TMEM145: variants seen among roughly 807,000 people sequenced by gnomAD.
The protein encoded by TMEM145 is transmembrane protein 145.
Under a neutral mutation model 68.5 loss-of-function variants are expected in TMEM145, and 46 were observed. The observed-to-expected ratio is 0.67, with a 90% CI of 0.53 to 0.86. TMEM145 has a LOEUF of 0.86. Ranked by LOEUF, TMEM145 falls within the 40% of genes least tolerant of loss-of-function variation. The probability of loss-of-function intolerance (pLI) is 0.00; values close to 1 mark genes in which losing one functional copy is unlikely to be tolerated. For synonymous variants in TMEM145, 255 were observed against 280.2 expected, an observed-to-expected ratio of 0.91 and a Z score of 0.90; for missense variants, 570 against 645.8, an observed-to-expected ratio of 0.88 and a Z score of 1.27.
Position 42,323,939 on chromosome 19 carries a change from C to G in TMEM145, c.1401+150C>G, listed in dbSNP as rs931693139. On this transcript the variant is annotated intron_variant, in intron 14 of 14. Coordinates refer to ENST00000301204, the MANE Select transcript of TMEM145 (RefSeq NM_173633.3). The stretch of plus-strand genomic sequence containing the variant: ...CTCCCCGCGCCCCAACACCGCGCCG[C>G]GACCGTCCCCTGGCGCCCGCGCCCA... The G allele has an allele frequency of 5.7e-6, 4 of 701,602 alleles. No individual in the cohort carries two copies. The South Asian group carries it at 8.2e-5, about 14-fold the overall frequency. The allele number at this position is 701,602 out of a possible 1,614,324, so 43.5% of individuals were successfully genotyped here. A position where few individuals can be genotyped will look rare whatever the true frequency, so the allele number is the denominator to read the frequency against.
Position 42,314,337 on chromosome 19 carries a change from C to T in TMEM145, c.186C>T (p.Arg62=), listed in dbSNP as rs1358042549. ...ACGGCCGACTGGACTTCCGTTTCCG[C>T]TACCCTGAGGTGAGTCTCCCCCAAC... The part of the protein sequence containing the change: ...SDYGRLDFRF[R]YPEAKCCQNI... The change falls in exon 2 of 15, where the codon CGC becomes CGT. Residue 62 remains arginine, a synonymous_variant. Transcript: ENST00000301204. 4 of 1,614,008 alleles carry T rather than the reference C, an allele frequency of 2.5e-6. No homozygotes were observed. In the East Asian group the frequency reaches 8.9e-5, roughly 36 times the overall value.
Position 42,315,392 on chromosome 19 carries a change from T to C in TMEM145, c.598T>C (p.Leu200=). Residue 200 remains leucine (L), a synonymous_variant, in exon 8 of 15, where the codon TTG becomes CTG. Coordinates refer to ENST00000301204, the MANE Select transcript of TMEM145 (RefSeq NM_173633.3). Reference sequence around the variant, plus strand: ...CCTAGATTTGCTGAAAGGTCGTCAGTTGCTCCACACAACTTATAAAATGTT... The same window carrying C: ...CCTAGATTTGCTGAAAGGTCGTCAGCTGCTCCACACAACTTATAAAATGTT... ...YFGYLLKGRQ[L]LHTTYKMFMA... is the part of the protein sequence containing the mutation. The C allele has an allele frequency of 6.2e-7, 1 of 1,614,170 alleles. No individual in the cohort carries two copies. The highest frequency in any genetic ancestry group is 8.5e-7 in the Non-Finnish European group (1 of 1,180,012).
At chr19:42,323,013 C>T (rs1225881251) in intron 13 of TMEM145, among the ~76,000 whole-genome samples, 1 of 152,214 alleles carries the variant, frequency 6.6e-6, no homozygotes, top group African/African-American at 2.4e-5. Context: ...CCAATATTTA[C>T]TGAAGGCTTA....
At chr19:42,316,054 A>G (rs2038853389) in intron 8 of TMEM145, among the ~76,000 whole-genome samples, 1 of 149,708 alleles carries the variant, frequency 6.7e-6, no homozygotes, top group African/African-American at 2.5e-5. Flanking sequence ...AACAAAACAA[A>G]ACAATAAAGG....
At position 42,314,607 on chromosome 19, in the gene TMEM145, C is replaced by T. The variant is rs1281935349; in HGVS notation, c.274-6C>T. On this transcript the variant is annotated splice_region_variant and splice_polypyrimidine_tract_variant and intron_variant, in intron 3 of 14. Coordinates refer to ENST00000301204, the MANE Select transcript of TMEM145 (RefSeq NM_173633.3). ...GGGGGAGTGACCCTGTCCCTGCCTT[C>T]CCCAGGACTGCCTGGCCAAGGAGTC... is the stretch of plus-strand genomic sequence containing the variant. 6.2e-7 allele frequency: 1 copy of T among 1,614,038 alleles called. No homozygotes were observed. Among genetic ancestry groups the T allele is most frequent in the African/African-American group, 1.3e-5 (1 of 74,916 alleles).
intron 14 of TMEM145, chr19:42,324,405 C>A: frequency 1.0e-6 from 1 of 984,818 alleles, no homozygotes; most frequent in Non-Finnish European, 1.2e-6. Flanking sequence ...GCGGCCGACT[C>A]GGGCTGGGAC....
At position 42,321,030 on chromosome 19, in the gene TMEM145, A is replaced by G. The variant is rs2038906284; in HGVS notation, c.1194+593A>G. The stretch of plus-strand genomic sequence containing the variant: ...CCCTCCCTTCCCATTTCCATTCCTG[A>G]CCCTGTGTCCCCAGATTCTTCCATT... On this transcript the variant is annotated intron_variant, in intron 13 of 14. Transcript: ENST00000301204. The G allele has an allele frequency of 5.8e-5, 23 of 398,052 alleles. No homozygotes were observed. The East Asian group carries it at 8.2e-4, about 14-fold the overall frequency. 24.7% of individuals were successfully genotyped at this position (398,052 alleles called of 1,614,324 possible).
chr19:42,314,620 T>G lies in TMEM145; in HGVS notation c.281T>G (p.Leu94Arg). The change falls in exon 4 of 15, where the codon CTG becomes CGG. Residue 94 changes from leucine to arginine, a missense_variant. By Grantham distance (102) the Leu-to-Arg change is moderately radical (BLOSUM62 -2). Coordinates refer to ENST00000301204, the MANE Select transcript of TMEM145 (RefSeq NM_173633.3). ...TGTCCCTGCCTTCCCCAGGACTGCCTGGCCAAGGAGTCAGTGATCCGGCCG... is the reference window on the plus strand; with the variant it reads ...TGTCCCTGCCTTCCCCAGGACTGCCGGGCCAAGGAGTCAGTGATCCGGCCG... ...AVYKAGDKDC[L>R]AKESVIRPEN... 6.2e-7 allele frequency: 1 copy of G among 1,614,180 alleles called. No individual in the cohort carries two copies. Among genetic ancestry groups the G allele is most frequent in the South Asian group, 1.1e-5 (1 of 91,082 alleles).
In TMEM145 at chr19:42,324,197, C is replaced by T. The variant is rs1599993012; in HGVS notation, c.1401+408C>T. On this transcript the variant is annotated intron_variant, in intron 14 of 14. Transcript: ENST00000301204. ...CCACACCTGGGGTGGAAGGGTTCTC[C>T]GGGGGAGGGGGACGGGCCTTCGGGG... The T allele has an allele frequency of 1.3e-5, 13 of 964,572 alleles. No homozygotes were observed. The South Asian group carries it at 1.4e-4, about 11-fold the overall frequency. The allele number at this position is 964,572 out of a possible 1,614,324, so 59.8% of individuals were successfully genotyped here. A position where few individuals can be genotyped will look rare whatever the true frequency, so the allele number is the denominator to read the frequency against.
At position 42,324,806 on chromosome 19, in the gene TMEM145, C is replaced by T. The variant is rs780183154; in HGVS notation, c.1471C>T (p.Arg491Ter). 6 of 1,569,428 alleles carry T rather than the reference C, an allele frequency of 3.8e-6. No homozygotes were observed. The highest frequency in any genetic ancestry group is 2.3e-5 in the South Asian group (2 of 86,288). ...FRDLRPPGPLRDL is the reference protein window; with the variant it reads ...FRDLRPPGPL ...TGACCTCCGGCCCCCTGGCCCCCTT[C>T]GAGACCTCTGACCCCGCTGGACTCC... Residue 491 changes from arginine (R) to a stop codon, truncating the protein, a stop_gained, in exon 15 of 15, where the codon CGA becomes TGA. Coordinates refer to ENST00000301204, the MANE Select transcript of TMEM145 (RefSeq NM_173633.3). LOFTEE classifies it high-confidence loss of function.
rs774339261 is a variant in TMEM145 at position 42,316,762 on chromosome 19, G to C, written c.806+22G>C. 16 of 1,612,544 alleles carry C rather than the reference G, an allele frequency of 9.9e-6. No individual in the cohort carries two copies. The Admixed American group carries it at 1.2e-4, about 12-fold the overall frequency. On this transcript the variant is annotated intron_variant, in intron 10 of 14. Transcript: ENST00000301204. ...CACGGTGCCCGGGCAGGGCGTGCTC[G>C]TGGGGCGGCTGGTGGGGGAGCAGGG...
intron 13 of TMEM145, among the ~76,000 whole-genome samples, chr19:42,322,527 C>T (rs569438075): frequency 1.1e-4 from 17 of 152,206 alleles, no homozygotes; most frequent in Non-Finnish European, 2.2e-4. Context: ...GGTATCTCAA[C>T]GCTCATTGCT....
At chr19:42,317,453 G>C (rs1217722933) in intron 11 of TMEM145, among the ~76,000 whole-genome samples, 1 of 152,208 alleles carries the variant, frequency 6.6e-6, no homozygotes, top group Non-Finnish European at 1.5e-5. Flanking sequence ...CTACCTCGTT[G>C]AGTAGATGCT....
Position 42,314,505 on chromosome 19 carries a change from G to T in TMEM145, c.250G>T (p.Ala84Ser). The change falls in exon 3 of 15, where the codon GCC becomes TCC. Residue 84 changes from alanine to serine, a missense_variant. By Grantham distance (99) the Ala-to-Ser change is moderately conservative. Transcript: ENST00000301204. ...LYFDDPSQWP[A>S]VYKAGDKDCL... ...TTTTGATGACCCATCCCAGTGGCCAGCCGTGTACAAGGCAGGGGACAAGGT... is the reference window on the plus strand; with the variant it reads ...TTTTGATGACCCATCCCAGTGGCCATCCGTGTACAAGGCAGGGGACAAGGT... 3 of 1,614,206 alleles carry T rather than the reference G, an allele frequency of 1.9e-6. No individual in the cohort carries two copies. Among genetic ancestry groups the T allele is most frequent in the South Asian group, 1.1e-5 (1 of 91,082 alleles).
chr19:42,315,282 G>A (rs762210414), intron 7 of TMEM145, 23 bp downstream of exon 7: 1 of 1,612,600 alleles, frequency 6.2e-7, no homozygotes, highest in Non-Finnish European at 8.5e-7. Flanking sequence ...CATGGGGTGT[G>A]GGGGAAGAGA....
chr19:42,320,517 G>A (rs2147421604), intron 13 of TMEM145, 80 bp downstream of exon 13: 1 of 1,589,800 alleles, frequency 6.3e-7, no homozygotes, highest in Non-Finnish European at 8.6e-7. Flanking sequence ...CTGATCTGCT[G>A]GACCTCCTGT....
In TMEM145 at chr19:42,320,369, T is replaced by A; in HGVS notation, c.1126T>A (p.Trp376Arg). Residue 376 changes from tryptophan to arginine, a missense_variant, in exon 13 of 15, where the codon TGG becomes AGG. Transcript: ENST00000301204. ...ALIANFGIPKWAREKIVNGIQ... is the reference protein window; with the variant it reads ...ALIANFGIPKRAREKIVNGIQ... ...GATTGCCAATTTCGGCATCCCCAAG[T>A]GGGCCCGGGAGAAGATTGTCAATGG... 1 of 1,614,116 alleles carries A rather than the reference T, an allele frequency of 6.2e-7. No individual in the cohort carries two copies. Among genetic ancestry groups the A allele is most frequent in the Non-Finnish European group, 8.5e-7 (1 of 1,180,028 alleles).
At position 42,313,510 on chromosome 19, in the gene TMEM145, G is replaced by T; in HGVS notation, c.120+14G>T. ...AGTTCCAAGGAGGTGAGCATGCCGAGCCCTCCTCTGCGGCCCGCCGGCCCC... is the reference window on the plus strand; with the variant it reads ...AGTTCCAAGGAGGTGAGCATGCCGATCCCTCCTCTGCGGCCCGCCGGCCCC... On this transcript the variant is annotated intron_variant, in intron 1 of 14. Coordinates refer to ENST00000301204, the MANE Select transcript of TMEM145 (RefSeq NM_173633.3). The surrounding 1 kb of genome is among the most constrained non-coding windows in gnomAD (Gnocchi z 5.1). 1 of 1,271,902 alleles carries T rather than the reference G, an allele frequency of 7.9e-7. No individual in the cohort carries two copies. Among genetic ancestry groups the T allele is most frequent in the South Asian group, 2.9e-5 (1 of 34,272 alleles). The allele number at this position is 1,271,902 out of a possible 1,614,324, so 78.8% of individuals were successfully genotyped here. A position where few individuals can be genotyped will look rare whatever the true frequency, so the allele number is the denominator to read the frequency against.
intron 13 of TMEM145, chr19:42,321,044 G>C (rs888449713): frequency 5.0e-6 from 2 of 398,564 alleles, no homozygotes; most frequent in African/African-American, 4.1e-5. Context: ...TGTGTCCCCA[G>C]ATTCTTCCAT....
Sources: gnomAD v4.1 joint callset for allele counts (sites outside exome capture counted in the v4.1 genomes callset) on GRCh38, gnomAD v4.1.1 for gene constraint, Gnocchi (gnomAD v3.1) non-coding constraint, MANE v1.5 for transcripts, NCBI Gene and HGNC (gene_info 2026-07-23, HGNC 2026-07-21) for gene names.